The following CYP3A43 variants were observed in gnomAD, a reference collection of about 807,000 sequenced individuals.
The protein encoded by CYP3A43 is cytochrome P450 family 3 subfamily A member 43, also known as cytochrome P450 3A43.
Under a neutral mutation model 58.0 loss-of-function variants are expected in CYP3A43, and 45 were observed. The observed-to-expected ratio is 0.78, with a 90% confidence interval of 0.61 to 0.99. The LOEUF is 0.99. CYP3A43 is among the 50% of genes least tolerant of loss of function. CYP3A43 has a pLI of 0.00. For missense variants in CYP3A43, 593 were observed against 591.9 expected (o/e 1.00, Z -0.02); for synonymous variants, 191 against 201.4 (o/e 0.95, Z 0.44).
At chr7:99,862,852 G>A (rs1472320425) in intron 11 of CYP3A43, among the ~76,000 whole-genome samples, 2 of 152,104 alleles carry the variant, frequency 1.3e-5, no homozygotes, top group African/African-American at 4.8e-5. Flanking sequence ...CTGTTTTCTG[G>A]AGTAGAGGAC....
intron 10 of CYP3A43, 37 bp from the exon 11 acceptor site, chr7:99,861,576 A>C: frequency 6.3e-7 from 1 of 1,584,130 alleles, no homozygotes; most frequent in African/African-American, 1.3e-5. Flanking sequence ...GTTAATTCCC[A>C]ATCTCAATTT....
intron 4 of CYP3A43, among the ~76,000 whole-genome samples, chr7:99,846,375 T>A (rs1817544253): frequency 6.6e-6 from 1 of 152,246 alleles, no homozygotes; most frequent in African/African-American, 2.4e-5. Context: ...TTTTACTGTA[T>A]TTTCAGATAG....
intron 5 of CYP3A43, chr7:99,847,916 G>T (rs927933089): frequency 1.9e-6 from 1 of 539,908 alleles, no homozygotes; most frequent in Non-Finnish European, 3.3e-6. Context: ...GAAGGCTAAG[G>T]CAGAAGAATT....
intron 1 of CYP3A43, among the ~76,000 whole-genome samples, chr7:99,835,512 G>C (rs1319966111): frequency 6.6e-6 from 1 of 152,202 alleles, no homozygotes; most frequent in Non-Finnish European, 1.5e-5. Context: ...TGAGCTATAA[G>C]CTCTCCTTCT....
At position 99,847,518 on chromosome 7, in the gene CYP3A43, G is replaced by T. The variant is rs534836221; in HGVS notation, c.349G>T (p.Ala117Ser). 6.2e-7 allele frequency: 1 copy of T among 1,613,944 alleles called. No homozygotes were observed. Reference protein sequence around the residue: ...PLGPMGFLKSALSFAEDEEWK... With the variant: ...PLGPMGFLKSSLSFAEDEEWK... ...AGGTCCAATGGGATTTCTGAAAAGT[G>T]CCTTAAGTTTTGCTGAAGATGAAGA... is the stretch of plus-strand genomic sequence containing the variant. The change falls in exon 5 of 13, where the codon GCC (alanine) becomes TCC (serine). Residue 117 changes from alanine to serine, a missense_variant. Transcript: ENST00000354829.
chr7:99,837,435 C>T (rs796790123), intron 2 of CYP3A43, among the ~76,000 whole-genome samples: 12 of 152,256 alleles, frequency 7.9e-5, no homozygotes, highest in Admixed American at 4.6e-4. Flanking sequence ...GTTAAATTCC[C>T]TGCAGGTAGT....
rs530689484 is a variant in CYP3A43 at position 99,842,624 on chromosome 7, CTAAAT to C, written c.219-1515_219-1511del. On this transcript the variant is annotated intron_variant, in intron 3 of 12. Coordinates refer to ENST00000354829, the MANE Select transcript of CYP3A43 (RefSeq NM_057095.3). The stretch of plus-strand genomic sequence containing the variant: ...TTTATGAAAAAAAAAGTTATCTTGA[CTAAAT>C]TAAGAGCAAAAATCTGACCAAACTC... Among the ~76,000 whole-genome samples, 5 of 152,172 alleles carry C rather than the reference CTAAAT, an allele frequency of 3.3e-5. No individual in the cohort carries two copies. In the South Asian group the frequency reaches 8.3e-4, roughly 25 times the overall value.
Position 99,865,264 on chromosome 7 carries a change from C to T in CYP3A43, c.1417-642C>T, listed in dbSNP as rs1818400979. 1.8e-5 allele frequency among the ~76,000 whole-genome samples: 2 copies of T among 112,708 alleles called. 1 individual carries two copies. Among genetic ancestry groups the T allele is most frequent in the Admixed American group, 1.6e-4 (2 of 12,668 alleles). 73.9% of individuals were successfully genotyped at this position (112,708 alleles called of 152,430 possible). ...GAACATTTCTCTGCTGGCTGCTCCC[C>T]TGACACTGAAGTGACTTGGGAGAAT... is the stretch of plus-strand genomic sequence containing the variant. On this transcript the variant is annotated intron_variant, in intron 12 of 12. Coordinates refer to ENST00000354829, the MANE Select transcript of CYP3A43 (RefSeq NM_057095.3).
chr7:99,847,873 A>G lies in CYP3A43; in HGVS notation c.432+272A>G, dbSNP rs943260113. The G allele has an allele frequency of 4.2e-5, 21 of 505,550 alleles. No homozygotes were observed. In the East Asian group the frequency reaches 8.0e-4, roughly 19 times the overall value. The allele number at this position is 505,550 out of a possible 1,614,324, so 31.3% of individuals were successfully genotyped here. ...CTAAAAATACAAAAATTAGCTGGGC[A>G]TGGTGGCGGATGCCTATAATCCTAG... On this transcript the variant is annotated intron_variant, in intron 5 of 12. Transcript: ENST00000354829.
At chr7:99,862,889 T>A (rs529850028) in intron 11 of CYP3A43, among the ~76,000 whole-genome samples, 2 of 152,286 alleles carry the variant, frequency 1.3e-5, no homozygotes, top group South Asian at 4.1e-4. Context: ...TCTTGGCACT[T>A]CCACCTCCTG....
At chr7:99,830,552 C>T (rs1425230460) in intron 1 of CYP3A43, among the ~76,000 whole-genome samples, 2 of 152,004 alleles carry the variant, frequency 1.3e-5, no homozygotes, top group African/African-American at 4.8e-5. Flanking sequence ...AATATTAGCT[C>T]ACAGAAAGGG....
chr7:99,849,642 T>C lies in CYP3A43; in HGVS notation c.618T>C (p.Asn206=), dbSNP rs772831136. 1 of 1,611,798 alleles carries C rather than the reference T, an allele frequency of 6.2e-7. No homozygotes were observed. The highest frequency in any genetic ancestry group is 8.5e-7 in the Non-Finnish European group (1 of 1,179,522). Residue 206 remains asparagine, a synonymous_variant, in exon 7 of 13, where the codon AAT becomes AAC. Transcript: ENST00000354829. The stretch of plus-strand genomic sequence containing the variant: ...ATCCACAAGATCCCTTTCTGAAAAA[T>C]ATGAAGAAGCTTTTAAAATTGGATT... ...LNNPQDPFLK[N]MKKLLKLDFL... is the part of the protein sequence containing the mutation.
At chr7:99,860,933 G>C (rs930819945) in intron 10 of CYP3A43, among the ~76,000 whole-genome samples, 1 of 152,020 alleles carries the variant, frequency 6.6e-6, no homozygotes, top group Non-Finnish European at 1.5e-5. Flanking sequence ...GACTGCAGTG[G>C]GGTGATCTCG....
At chr7:99,836,685 G>A (rs758789722) in intron 2 of CYP3A43, 139 bp downstream of exon 2, 31 of 636,606 alleles carry the variant, frequency 4.9e-5, no homozygotes, top group Non-Finnish European at 7.6e-5. Flanking sequence ...TCCACCCAGA[G>A]CAGGGCCAGG....
chr7:99,848,058 A>T, intron 5 of CYP3A43, 108 bp from the exon 6 acceptor site: 1 of 1,076,202 alleles, frequency 9.3e-7, no homozygotes, highest in Non-Finnish European at 1.4e-6. Flanking sequence ...GTCCTAGAGG[A>T]CATGGTGAGT....
intron 5 of CYP3A43, chr7:99,847,901 G>C (rs982419371): frequency 3.8e-6 from 2 of 523,804 alleles, no homozygotes; most frequent in Admixed American, 6.4e-5. Context: ...AATCCTAGCT[G>C]CTCAGAAGGC....
chr7:99,847,008 AT>A (rs4646473), intron 4 of CYP3A43, among the ~76,000 whole-genome samples: 3 of 151,160 alleles, frequency 2.0e-5, no homozygotes, highest in African/African-American at 2.4e-5. Context: ...CTTATTACTA[AT>A]TTTTTTTTCA....
rs750996077 is a variant in CYP3A43 at position 99,861,746 on chromosome 7, T to C, written c.1160T>C (p.Phe387Ser). 2 of 1,614,174 alleles carry C rather than the reference T, an allele frequency of 1.2e-6. No homozygotes were observed. Among genetic ancestry groups the C allele is most frequent in the East Asian group, 2.2e-5 (1 of 44,884 alleles). ...AAAGATATTGAAATCAATGGAGTGTTCATTCCCAAAGGGTTAGCAGTGATG... is the reference window on the plus strand; with the variant it reads ...AAAGATATTGAAATCAATGGAGTGTCCATTCCCAAAGGGTTAGCAGTGATG... The part of the protein sequence containing the change: ...CKKDIEINGV[F>S]IPKGLAVMVP... The change falls in exon 11 of 13, where the codon TTC (phenylalanine) becomes TCC (serine). Residue 387 changes from phenylalanine to serine, a missense_variant. Transcript: ENST00000354829.
chr7:99,836,409 A>T, intron 1 of CYP3A43, 44 bp from the exon 2 acceptor site: 1 of 1,532,796 alleles, frequency 6.5e-7, no homozygotes, highest in South Asian at 1.1e-5. Flanking sequence ...CCTTATCTAT[A>T]AAGTTACAAT....
Sources: gnomAD v4.1 joint callset for allele counts (sites outside exome capture counted in the v4.1 genomes callset) on GRCh38, gnomAD v4.1.1 for gene constraint, MANE v1.5 for transcripts, NCBI Gene and HGNC (gene_info 2026-07-23, HGNC 2026-07-21) for gene names.